KIAA1671: variants seen among roughly 807,000 people sequenced by gnomAD.
The protein encoded by KIAA1671 is KIAA1671, also known as uncharacterized protein KIAA1671.
KIAA1671 carries 52 observed loss-of-function variants against 131.2 expected under a neutral mutation model. The observed-to-expected ratio is 0.40, with a 90% confidence interval of 0.32 to 0.50. KIAA1671 has a LOEUF of 0.50. KIAA1671 is among the 20% of genes least tolerant of loss of function. KIAA1671 has a pLI of 0.73. For synonymous variants in KIAA1671, 1,003 were observed against 961.6 expected (o/e 1.04, Z -0.80); for missense variants, 2,360 against 2,364.2 (o/e 1.00, Z 0.04).
intron 1 of KIAA1671, among the ~76,000 whole-genome samples, chr22:24,960,654 C>CTTTTT (rs34901740): frequency 4.0e-3 from 286 of 71,344 alleles, no homozygotes; most frequent in Non-Finnish European, 4.4e-3. Flanking sequence ...TTTTCAGGTT[C>CTTTTT]TTTTTTTTTT....
At position 25,039,783 on chromosome 22, in the gene KIAA1671, G is replaced by C. The variant is rs970971940; in HGVS notation, c.2653G>C (p.Asp885His). 2.0e-6 allele frequency: 3 copies of C among 1,505,936 alleles called. No homozygotes were observed. Among genetic ancestry groups the C allele is most frequent in the Admixed American group, 2.2e-5 (1 of 46,230 alleles). 93.3% of individuals were successfully genotyped at this position (1,505,936 alleles called of 1,614,324 possible). A position where few individuals can be genotyped will look rare whatever the true frequency, so the allele number is the denominator to read the frequency against. Residue 885 changes from aspartate (D) to histidine (H), a missense_variant, in exon 5 of 13, where the codon GAT (aspartate) becomes CAT (histidine). By Grantham distance (81) the Asp-to-His change is moderately conservative. This residue lies in a region of KIAA1671 where 1,161 missense variants were observed against 1,204.7 expected (regional missense o/e 0.96). Transcript: ENST00000358431. ...ARGPPQGCPL[D>H]PLSRATNGPS... ...GGGCCCACCCCAGGGATGCCCCCTCGATCCTCTTTCCAGGGCTACGAATGG... is the reference window on the plus strand; with the variant it reads ...GGGCCCACCCCAGGGATGCCCCCTCCATCCTCTTTCCAGGGCTACGAATGG...
intron 10 of KIAA1671, among the ~76,000 whole-genome samples, chr22:25,183,251 C>G (rs76351483): frequency 2.0e-5 from 3 of 152,208 alleles, no homozygotes; most frequent in African/African-American, 7.2e-5. Flanking sequence ...GTGGGAGCGC[C>G]GTGACTCTGT....
intron 1 of KIAA1671, among the ~76,000 whole-genome samples, chr22:24,988,087 C>T (rs576991319): frequency 6.6e-6 from 1 of 152,106 alleles, no homozygotes; most frequent in South Asian, 2.1e-4. Flanking sequence ...ACCAGCTTGG[C>T]TAACATGGTG....
At chr22:25,070,195 C>T (rs1020089404) in intron 6 of KIAA1671, 15 of 392,758 alleles carry the variant, frequency 3.8e-5, no homozygotes, top group African/African-American at 1.2e-4. Flanking sequence ...CCCAGGCAGC[C>T]GTGGCCATTA....
intron 6 of KIAA1671, among the ~76,000 whole-genome samples, chr22:25,093,722 CACACACACA>C (rs1930147323): frequency 1.6e-5 from 2 of 124,228 alleles, no homozygotes; most frequent in Admixed American, 7.6e-5. Flanking sequence ...CACACACACA[CACACACACA>C]CACACACTCT....
intron 9 of KIAA1671, among the ~76,000 whole-genome samples, chr22:25,180,165 G>A (rs930819509): frequency 6.6e-6 from 1 of 152,352 alleles, no homozygotes; most frequent in South Asian, 2.1e-4. Context: ...GGAAAGGTAG[G>A]CAGGGGCCAG....
At position 25,028,867 on chromosome 22, in the gene KIAA1671, C is replaced by A; in HGVS notation, c.868C>A (p.Arg290=). Residue 290 remains arginine (R), a synonymous_variant, in exon 3 of 13, where the codon CGG becomes AGG. Coordinates refer to ENST00000358431, the MANE Select transcript of KIAA1671 (RefSeq NM_001145206.2). ...PRPLSMDLTA[R]FENKEALLRK... ...GCCCTTGTCCATGGACCTCACGGCC[C>A]GGTTTGAGAACAAAGAGGCCTTGCT... The A allele has an allele frequency of 6.4e-7, 1 of 1,551,020 alleles. No individual in the cohort carries two copies.
chr22:25,029,313 G>C lies in KIAA1671; in HGVS notation c.1314G>C (p.Arg438Ser), dbSNP rs1045226386. Residue 438 changes from arginine to serine, a missense_variant, in exon 3 of 13, where the codon AGG becomes AGC. By Grantham distance (110) the Arg-to-Ser change is moderately radical. Transcript: ENST00000358431. ...GGEWASRRSV[R>S]KCISLFREDS... ...AGTGGGCCTCCAGGAGGAGTGTCAG[G>C]AAGTGCATCAGCCTGTTTCGGGAGG... 9.7e-6 allele frequency: 15 copies of C among 1,540,038 alleles called. No homozygotes were observed. The African/African-American group carries it at 1.6e-4, about 17-fold the overall frequency.
chr22:25,188,211 G>A (rs571153221), intron 11 of KIAA1671, among the ~76,000 whole-genome samples: 132 of 152,348 alleles, frequency 8.7e-4, no homozygotes, highest in Non-Finnish European at 1.5e-3. Flanking sequence ...TGAGGCAGGA[G>A]AATGGCGTGA....
intron 1 of KIAA1671, chr22:25,010,754 A>C (rs1433438877): frequency 6.6e-6 from 1 of 152,162 alleles, no homozygotes; most frequent in Non-Finnish European, 1.5e-5. Context: ...TAGAAACCCA[A>C]ACCAACAATG....
chr22:25,172,558 G>A (rs1345744842), intron 7 of KIAA1671, among the ~76,000 whole-genome samples: 3 of 152,210 alleles, frequency 2.0e-5, no homozygotes, highest in African/African-American at 7.2e-5. Context: ...CAGACTGGTG[G>A]TCTTGAGAGT....
chr22:25,067,331 T>G (rs1928530165), intron 6 of KIAA1671, among the ~76,000 whole-genome samples: 1 of 152,056 alleles, frequency 6.6e-6, no homozygotes, highest in Non-Finnish European at 1.5e-5. Context: ...CACTGCCACC[T>G]CCAGCTTTCT....
At chr22:25,043,835 C>A (rs1266797588) in intron 5 of KIAA1671, among the ~76,000 whole-genome samples, 1 of 152,044 alleles carries the variant, frequency 6.6e-6, no homozygotes, top group African/African-American at 2.4e-5. Context: ...CTTAGCACCG[C>A]CCTGTGTGAT....
intron 6 of KIAA1671, among the ~76,000 whole-genome samples, chr22:25,071,569 A>G (rs1928819454): frequency 6.6e-6 from 1 of 152,264 alleles, no homozygotes; most frequent in African/African-American, 2.4e-5. Flanking sequence ...GATATGGAAA[A>G]TTCAGACAGG....
At chr22:25,012,140 A>C (rs1278504915) in intron 1 of KIAA1671, 1 of 152,040 alleles carries the variant, frequency 6.6e-6, no homozygotes, top group Admixed American at 6.6e-5. Context: ...GTTGACGCCA[A>C]TATCATGTTC....
chr22:24,964,427 T>C (rs1922186278), intron 1 of KIAA1671, among the ~76,000 whole-genome samples: 2 of 152,132 alleles, frequency 1.3e-5, no homozygotes, highest in Non-Finnish European at 2.9e-5. Context: ...TATGTACTTT[T>C]TTTTTTATTT....
chr22:25,119,641 G>A (rs1251297755), intron 6 of KIAA1671, among the ~76,000 whole-genome samples: 1 of 152,202 alleles, frequency 6.6e-6, no homozygotes, highest in African/African-American at 2.4e-5. Context: ...ATGTAACAGG[G>A]CATGGGGACC....
rs149427991 is a variant in KIAA1671, at chr22:25,108,544, A to C, written c.4530+59180A>C. Among the ~76,000 whole-genome samples, 16 of 152,332 alleles carry C rather than the reference A, an allele frequency of 1.1e-4. No individual in the cohort carries two copies. In the East Asian group the frequency reaches 2.9e-3, roughly 28 times the overall value. On this transcript the variant is annotated intron_variant, in intron 6 of 12. Coordinates refer to ENST00000358431, the MANE Select transcript of KIAA1671 (RefSeq NM_001145206.2). ...TTGGATGCCAGAAGTCCTGGGACCT[A>C]GGAGGCTGCATGTGGTGGAGGGTGG...
chr22:25,158,650 T>G (rs1225878318), intron 6 of KIAA1671, among the ~76,000 whole-genome samples: 1 of 151,968 alleles, frequency 6.6e-6, no homozygotes, highest in Non-Finnish European at 1.5e-5. Flanking sequence ...GCAGTGGGCG[T>G]TGGTAGAGTG....
Sources: gnomAD v4.1 joint callset for allele counts (sites outside exome capture counted in the v4.1 genomes callset) on GRCh38, gnomAD v4.1.1 for gene constraint, gnomAD v4.1.1 regional missense constraint, MANE v1.5 for transcripts, NCBI Gene and HGNC (gene_info 2026-07-23, HGNC 2026-07-21) for gene names.